Variants in GRID2 observed in about 807,000 individuals in gnomAD.
GRID2 encodes the protein glutamate ionotropic receptor delta type subunit 2.
Under a neutral mutation model 114.8 loss-of-function variants are expected in GRID2, and 33 were observed. That is an observed-to-expected ratio of 0.29 (90% CI 0.22 to 0.38). The LOEUF is 0.38. Ranked by LOEUF, GRID2 falls within the 10% of genes least tolerant of loss-of-function variation. GRID2 has a pLI of 1.00. For missense variants in GRID2, 1,184 were observed against 1,257.7 expected (o/e 0.94, Z 0.89); for synonymous variants, 505 against 449.9 (o/e 1.12, Z -1.55).
At chr4:92,885,874 A>G (rs1746332463) in intron 2 of GRID2, among the ~76,000 whole-genome samples, 1 of 152,162 alleles carries the variant, frequency 6.6e-6, no homozygotes, top group African/African-American at 2.4e-5. Context: ...TGAACCTGTT[A>G]TGGGTATAGT....
chr4:92,991,038 CTCTT>C (rs1432033949), intron 2 of GRID2, among the ~76,000 whole-genome samples: 1 of 152,184 alleles, frequency 6.6e-6, no homozygotes, highest in Non-Finnish European at 1.5e-5. Context: ...TTACACTAAA[CTCTT>C]TATATATTTT....
chr4:93,651,523 TAGGC>T (rs1425639532), intron 14 of GRID2, among the ~76,000 whole-genome samples: 1 of 152,162 alleles, frequency 6.6e-6, no homozygotes, highest in Non-Finnish European at 1.5e-5. Flanking sequence ...AAGCTGCTGT[TAGGC>T]AGAGCATTTA....
intron 8 of GRID2, among the ~76,000 whole-genome samples, chr4:93,358,583 A>C (rs1761568886): frequency 6.6e-6 from 1 of 152,010 alleles, no homozygotes; most frequent in East Asian, 1.9e-4. Context: ...TAATGCAATA[A>C]CTCTAGAAAC....
chr4:93,110,079 G>A (rs1166726769), intron 3 of GRID2, among the ~76,000 whole-genome samples: 1 of 152,092 alleles, frequency 6.6e-6, no homozygotes, highest in African/African-American at 2.4e-5. Context: ...GCTGAAATAT[G>A]TTTTGAAAAA....
intron 4 of GRID2, among the ~76,000 whole-genome samples, chr4:93,146,672 G>T (rs192429430): frequency 1.6e-3 from 233 of 147,372 alleles, no homozygotes; most frequent in African/African-American, 5.5e-3. Context: ...GTTGTTAAAG[G>T]AAAGAGCCAC....
chr4:92,369,479 C>T (rs1729018857), intron 1 of GRID2, among the ~76,000 whole-genome samples: 2 of 152,260 alleles, frequency 1.3e-5, no homozygotes, highest in South Asian at 4.1e-4. Context: ...GGCCAAAGGA[C>T]AGATGCTTGT....
At chr4:92,369,064 A>G (rs938620404) in intron 1 of GRID2, among the ~76,000 whole-genome samples, 5 of 152,010 alleles carry the variant, frequency 3.3e-5, no homozygotes, top group African/African-American at 1.2e-4. Flanking sequence ...TAAAAATTTG[A>G]TCAGATTACT....
chr4:93,729,766 C>A (rs892562603), intron 14 of GRID2, among the ~76,000 whole-genome samples: 6 of 152,098 alleles, frequency 3.9e-5, no homozygotes, highest in African/African-American at 1.4e-4. Flanking sequence ...CCATGCCCGG[C>A]ACAGAGAATC....
At chr4:93,566,046 T>TC (rs766514411) in intron 13 of GRID2, among the ~76,000 whole-genome samples, 8 of 152,168 alleles carry the variant, frequency 5.3e-5, no homozygotes, top group Non-Finnish European at 7.3e-5. Context: ...AAGGATTTTT[T>TC]CTGCGGGTGA....
intron 1 of GRID2, among the ~76,000 whole-genome samples, chr4:92,581,810 C>G (rs1475065462): frequency 6.6e-6 from 1 of 151,998 alleles, no homozygotes; most frequent in Non-Finnish European, 1.5e-5. Context: ...ATTTCGGACA[C>G]TAGCTAAATG....
At chr4:93,230,170 GCA>G (rs1366830645) in intron 7 of GRID2, among the ~76,000 whole-genome samples, 1 of 145,020 alleles carries the variant, frequency 6.9e-6, no homozygotes, top group Non-Finnish European at 1.5e-5. Flanking sequence ...GTGTGTGTGT[GCA>G]TGCTATCATA....
chr4:92,530,396 A>G lies in GRID2; in HGVS notation c.89-59735A>G, dbSNP rs890264738. ...GCCTCATACGAACTATTCTTCTATT[A>G]AAAATCACCCTAACGTTTTCAAGAC... On this transcript the variant is annotated intron_variant, in intron 1 of 15. Transcript: ENST00000282020. Among the ~76,000 whole-genome samples the G allele has an allele frequency of 3.9e-5, 6 of 151,900 alleles. No homozygotes were observed. The East Asian group carries it at 9.7e-4, about 25-fold the overall frequency.
intron 8 of GRID2, among the ~76,000 whole-genome samples, chr4:93,255,463 C>T (rs915332741): frequency 1.3e-5 from 2 of 151,902 alleles, no homozygotes; most frequent in African/African-American, 4.8e-5. Context: ...CATGTGTTTG[C>T]TATGATGTGG....
At chr4:93,393,875 A>G (rs1470326194) in intron 8 of GRID2, among the ~76,000 whole-genome samples, 1 of 152,010 alleles carries the variant, frequency 6.6e-6, no homozygotes, top group East Asian at 1.9e-4. Flanking sequence ...CAGAAAAGAA[A>G]TTCCTGTGTG....
intron 1 of GRID2, among the ~76,000 whole-genome samples, chr4:92,379,984 T>G (rs1477122242): frequency 6.6e-6 from 1 of 151,998 alleles, no homozygotes; most frequent in Non-Finnish European, 1.5e-5. Context: ...TATCGTTTGT[T>G]GTAAGCAAAA....
chr4:93,765,148 A>G (rs906691722), intron 14 of GRID2, among the ~76,000 whole-genome samples: 2 of 152,172 alleles, frequency 1.3e-5, no homozygotes, highest in African/African-American at 4.8e-5. Flanking sequence ...TAATCTTTAA[A>G]TTGGGTTTTT....
At chr4:93,072,811 A>G (rs1728927395) in intron 2 of GRID2, among the ~76,000 whole-genome samples, 1 of 152,196 alleles carries the variant, frequency 6.6e-6, no homozygotes, top group South Asian at 2.1e-4. Context: ...AAATTTACAC[A>G]AATCTATTAT....
chr4:93,279,325 A>G lies in GRID2; in HGVS notation c.1245+40835A>G, dbSNP rs145596769. ...TACACAAAATACTGTACTAGAACAT[A>G]AAATGGCAATATATCTGACATCAAT... On this transcript the variant is annotated intron_variant, in intron 8 of 15. Coordinates refer to ENST00000282020, the MANE Select transcript of GRID2 (RefSeq NM_001510.4). Among the ~76,000 whole-genome samples, 334 of 151,972 alleles carry G rather than the reference A, an allele frequency of 2.2e-3. 2 individuals carry two copies. The highest frequency in any genetic ancestry group is 7.7e-3 in the African/African-American group (319 of 41,500).
chr4:92,438,962 G>A (rs541353928), intron 1 of GRID2, among the ~76,000 whole-genome samples: 3 of 152,070 alleles, frequency 2.0e-5, no homozygotes, highest in Non-Finnish European at 2.9e-5. Flanking sequence ...TTTCATGCGC[G>A]TCCCTGTGAA....
Sources: gnomAD v4.1 joint callset for allele counts (sites outside exome capture counted in the v4.1 genomes callset) on GRCh38, gnomAD v4.1.1 for gene constraint, MANE v1.5 for transcripts, NCBI Gene and HGNC (gene_info 2026-07-23, HGNC 2026-07-21) for gene names.